STK32A: variants seen among roughly 807,000 people sequenced by gnomAD.
STK32A encodes serine/threonine-protein kinase 32A.
A neutral mutation model predicts 53.2 loss-of-function variants in STK32A; 41 were observed. The observed-to-expected ratio is 0.77, with a 90% CI of 0.60 to 1.00. The LOEUF is 1.00. Among genes scored for constraint, STK32A ranks in the 50% least tolerant of loss-of-function variants. The pLI, the probability that STK32A is intolerant of heterozygous loss-of-function variation, is 0.00. For synonymous variants in STK32A, 166 were observed against 162.8 expected, an observed-to-expected ratio of 1.02 and a Z score of -0.15; for missense variants, 458 against 485.8, an observed-to-expected ratio of 0.94 and a Z score of 0.54.
rs564671140 is a variant in STK32A, at chr5:147,367,119, G to T, written c.661-3535G>T. Among the ~76,000 whole-genome samples the T allele has an allele frequency of 3.3e-5, 5 of 151,768 alleles. No individual in the cohort carries two copies. The South Asian group carries it at 6.3e-4, about 19-fold the overall frequency. On this transcript the variant is annotated intron_variant, in intron 8 of 12. Coordinates refer to ENST00000397936, the MANE Select transcript of STK32A (RefSeq NM_001112724.2). ...CTTGCTCTGTCCCCCAGGCTGGAGT[G>T]CAATGGCCCAATCTCGGCTCACTGC...
At chr5:147,314,527 C>CA (rs979925499) in intron 4 of STK32A, among the ~76,000 whole-genome samples, 13 of 19,418 alleles carry the variant, frequency 6.7e-4, no homozygotes, top group East Asian at 5.8e-3. Context: ...CAAAAAAAAA[C>CA]AAAAAAAAAA....
intron 2 of STK32A, among the ~76,000 whole-genome samples, chr5:147,260,171 CTCTCTCT>C (rs1754464244): frequency 8.2e-5 from 1 of 12,182 alleles, no homozygotes; most frequent in Non-Finnish European, 1.6e-4. Context: ...CTGTCTCTCT[CTCTCTCT>C]CCTCTCTCTC....
At position 147,383,957 on chromosome 5, in the gene STK32A, G is replaced by T; in HGVS notation, c.1165G>T (p.Glu389Ter). Residue 389 changes from glutamate to a stop codon, truncating the protein, a stop_gained, in exon 13 of 13, where the codon GAG (glutamate) becomes TAG (stop). Coordinates refer to ENST00000397936, the MANE Select transcript of STK32A (RefSeq NM_001112724.2). LOFTEE classifies it high-confidence loss of function. ...ALEQTKDPQG[E>*]DGQNNNL Reference sequence around the variant, plus strand: ...GGAACAAACCAAAGACCCACAAGGTGAGGATGGTCAGAATAACAACTTGTA... The same window carrying T: ...GGAACAAACCAAAGACCCACAAGGTTAGGATGGTCAGAATAACAACTTGTA... The T allele has an allele frequency of 1.2e-6, 2 of 1,608,312 alleles. No individual in the cohort carries two copies. The highest frequency in any genetic ancestry group is 1.7e-6 in the Non-Finnish European group (2 of 1,178,156).
chr5:147,401,567 G>A, the STK32A span: 27 of 1,613,300 alleles, frequency 1.7e-5, no homozygotes, highest in Middle Eastern at 1.6e-4. Flanking sequence ...GATGTAGTCC[G>A]GAGTAGTTGG....
At chr5:147,382,497 A>T (rs775802796) in intron 11 of STK32A, among the ~76,000 whole-genome samples, 5 of 152,016 alleles carry the variant, frequency 3.3e-5, no homozygotes, top group Non-Finnish European at 5.9e-5. Flanking sequence ...ATTTCCTGGC[A>T]TGCCTTGTTA....
At chr5:147,269,483 G>A (rs4440418) in intron 2 of STK32A, among the ~76,000 whole-genome samples, 89,597 of 151,870 alleles carry the variant, frequency 0.59, 26,775 homozygotes, top group African/African-American at 0.67. Flanking sequence ...GAAGCCAGAC[G>A]TGTGGGCAAC....
chr5:147,393,968 C>A, the STK32A span: 1 of 1,482,742 alleles, frequency 6.7e-7, no homozygotes, highest in Non-Finnish European at 9.4e-7. Flanking sequence ...TCTTAAATAT[C>A]GGTGTACCAT....
chr5:147,364,904 G>T (rs1482945042), intron 8 of STK32A, among the ~76,000 whole-genome samples: 1 of 152,106 alleles, frequency 6.6e-6, no homozygotes, highest in Non-Finnish European at 1.5e-5. Flanking sequence ...TACTCTCAAG[G>T]TCCCAGTGAT....
chr5:147,324,162 A>G (rs1017423063), intron 5 of STK32A, 91 bp downstream of exon 5: 9 of 1,257,822 alleles, frequency 7.2e-6, no homozygotes, highest in Non-Finnish European at 9.7e-6. Flanking sequence ...TGAACATGAC[A>G]TTTAATCCCC....
chr5:147,331,545 A>T (rs952478800), intron 5 of STK32A, among the ~76,000 whole-genome samples: 4 of 152,320 alleles, frequency 2.6e-5, no homozygotes, highest in African/African-American at 9.6e-5. Context: ...TTAGATACAT[A>T]TTTTAGTGGG....
At chr5:147,337,028 A>G (rs116354971) in intron 5 of STK32A, among the ~76,000 whole-genome samples, 83 of 152,156 alleles carry the variant, frequency 5.5e-4, no homozygotes, top group African/African-American at 2.0e-3. Flanking sequence ...GAGCAACTTG[A>G]CTCCAGGGGA....
At chr5:147,243,743 A>AAAAAAAAC (rs1561663723) in intron 2 of STK32A, among the ~76,000 whole-genome samples, 1 of 151,818 alleles carries the variant, frequency 6.6e-6, no homozygotes, top group African/African-American at 2.4e-5. Flanking sequence ...CTGTCCAAAA[A>AAAAAAAAC]AAAACGGCTT....
intron 4 of STK32A, among the ~76,000 whole-genome samples, chr5:147,289,419 A>T (rs550209346): frequency 1.3e-5 from 2 of 152,222 alleles, no homozygotes; most frequent in African/African-American, 4.8e-5. Context: ...CAATAATCTC[A>T]TTCATGCTAA....
intron 5 of STK32A, among the ~76,000 whole-genome samples, chr5:147,328,131 G>A (rs565047689): frequency 2.0e-5 from 3 of 152,338 alleles, no homozygotes; most frequent in East Asian, 1.9e-4. Flanking sequence ...CTCTGAGGGT[G>A]TAAATGGGAC....
chr5:147,371,699 C>G (rs2152003773), intron 9 of STK32A, among the ~76,000 whole-genome samples: 1 of 152,264 alleles, frequency 6.6e-6, no homozygotes, highest in Non-Finnish European at 1.5e-5. Flanking sequence ...AACACATGAT[C>G]AATGGACTTA....
At chr5:147,390,575 T>G (rs1412020778), downstream of STK32A, among the ~76,000 whole-genome samples, 1 of 151,578 alleles carries the variant, frequency 6.6e-6, no homozygotes, top group African/African-American at 2.4e-5. Flanking sequence ...AATTTGATGA[T>G]CCACAGAAGA....
intron 5 of STK32A, among the ~76,000 whole-genome samples, chr5:147,334,523 T>C (rs17547843): frequency 0.12 from 17,942 of 152,206 alleles, 1,182 homozygotes; most frequent in South Asian, 0.16. Flanking sequence ...TCCATAATCA[T>C]GAATAACAGT....
chr5:147,327,901 A>G (rs1049641920), intron 5 of STK32A, among the ~76,000 whole-genome samples: 26 of 152,246 alleles, frequency 1.7e-4, no homozygotes, highest in African/African-American at 6.0e-4. Context: ...CCCACAGACG[A>G]AAGTGGTACA....
At chr5:147,395,617 A>C in the STK32A span, 2 of 1,614,076 alleles carry the variant, frequency 1.2e-6, no homozygotes, top group African/African-American at 1.3e-5. Flanking sequence ...GCCGAGTAGG[A>C]GAGCCCCGAG....
Sources: gnomAD v4.1 joint callset for allele counts (sites outside exome capture counted in the v4.1 genomes callset) on GRCh38, gnomAD v4.1.1 for gene constraint, MANE v1.5 for transcripts, NCBI Gene and HGNC (gene_info 2026-07-23, HGNC 2026-07-21) for gene names.